Variants in KCNAB2 observed in about 807,000 individuals in gnomAD.
KCNAB2 encodes potassium voltage-gated channel subfamily A regulatory beta subunit 2.
A neutral mutation model predicts 63.6 loss-of-function variants in KCNAB2; 29 were observed. The ratio of observed to expected loss-of-function variants is 0.46; its 90% confidence interval spans 0.34 to 0.62. The LOEUF is 0.62. KCNAB2 is among the 20% of genes least tolerant of loss of function. The probability of loss-of-function intolerance (pLI) is 0.01; values close to 1 mark genes in which losing one functional copy is unlikely to be tolerated. For missense variants in KCNAB2, 359 were observed against 563.9 expected (o/e 0.64, Z 3.68); for synonymous variants, 222 against 224.2 (o/e 0.99, Z 0.09).
At chr1:6,033,280 TGTGTGGGCATGTGG>T (rs1659772084), upstream of KCNAB2, among the ~76,000 whole-genome samples, 1 of 131,320 alleles carries the variant, frequency 7.6e-6, no homozygotes, top group Non-Finnish European at 1.7e-5. Flanking sequence ...TGCATGTGCG[TGTGTGGGCATGTGG>T]GTGTGCATAT....
Position 6,096,175 on chromosome 1 carries a change from G to A in KCNAB2, c.949-461G>A, listed in dbSNP as rs1333352479. On this transcript the variant is annotated intron_variant, in intron 13 of 15. Transcript: ENST00000378083. This position sits in a 1 kb window ranked among gnomAD's most constrained non-coding sequence, Gnocchi z 5.9. ...CCTGGGTTCCAGGGCAACGTGGCCT[G>A]GCCCCCGACTCCTCCCATCCCATGG... is the stretch of plus-strand genomic sequence containing the variant. The A allele has an allele frequency of 4.4e-6, 2 of 457,670 alleles. No homozygotes were observed. Among genetic ancestry groups the A allele is most frequent in the South Asian group, 3.1e-5 (2 of 64,546 alleles). 28.4% of individuals were successfully genotyped at this position (457,670 alleles called of 1,614,324 possible). A position where few individuals can be genotyped will look rare whatever the true frequency, so the allele number is the denominator to read the frequency against.
At position 6,095,456 on chromosome 1, in the gene KCNAB2, G is replaced by A. The variant is rs572544225; in HGVS notation, c.853+13G>A. On this transcript the variant is annotated intron_variant, in intron 12 of 15. Coordinates refer to ENST00000378083, the MANE Select transcript of KCNAB2 (RefSeq NM_001199862.2). ...TTCCACAAGATAGGTGGGCACCCTC[G>A]GGCCCCTCGCCCCGCCCCACCCCAC... 2.8e-5 allele frequency: 45 copies of A among 1,612,746 alleles called. No individual in the cohort carries two copies. The highest frequency in any genetic ancestry group is 1.7e-4 in the Middle Eastern group (1 of 6,054).
chr1:6,084,820 AAAC>A (rs1242593637), intron 5 of KCNAB2, among the ~76,000 whole-genome samples: 3 of 152,110 alleles, frequency 2.0e-5, no homozygotes, highest in Non-Finnish European at 2.9e-5. Context: ...AAAAAAAAAA[AAAC>A]AAGATACTTC....
At position 6,077,556 on chromosome 1, in the gene KCNAB2, C is replaced by T. The variant is rs750350548; in HGVS notation, c.300+3786C>T. ...GACCCTGCTGATCCGGCTGTCTGCA[C>T]GCCTTCGGGGGTCTGTGATGACCAC... On this transcript the variant is annotated intron_variant, in intron 4 of 15. Coordinates refer to ENST00000378083, the MANE Select transcript of KCNAB2 (RefSeq NM_001199862.2). Among the ~76,000 whole-genome samples, 10 of 152,338 alleles carry T rather than the reference C, an allele frequency of 6.6e-5. 1 individual carries two copies. The highest frequency in any genetic ancestry group is 6.2e-4 in the South Asian group (3 of 4,820).
Position 6,096,302 on chromosome 1 carries a change from G to A in KCNAB2, c.949-334G>A. The A allele has an allele frequency of 2.5e-6, 1 of 402,178 alleles. No homozygotes were observed. Among genetic ancestry groups the A allele is most frequent in the South Asian group, 2.0e-5 (1 of 48,800 alleles). 24.9% of individuals were successfully genotyped at this position (402,178 alleles called of 1,614,324 possible). On this transcript the variant is annotated intron_variant, in intron 13 of 15. Transcript: ENST00000378083. The surrounding 1 kb of genome is among the most constrained non-coding windows in gnomAD (Gnocchi z 5.9). ...GCCAGGAGGTTCTTCTGGGCCACGG[G>A]TGGCAGCCGAGACCCCAGGCTGCCA...
chr1:6,098,317 G>C, intron 15 of KCNAB2, 168 bp from the exon 16 acceptor site: 1 of 1,429,166 alleles, frequency 7.0e-7, no homozygotes, highest in Non-Finnish European at 9.2e-7. Flanking sequence ...CAAACCTTCT[G>C]AAACACAAAA....
intron 6 of KCNAB2, 60 bp downstream of exon 6, chr1:6,085,308 G>A (rs985778605): frequency 1.2e-5 from 17 of 1,477,934 alleles, no homozygotes; most frequent in Non-Finnish European, 1.4e-5. Context: ...CTATCCCAGG[G>A]TCAGCCTCGT....
intron 1 of KCNAB2, among the ~76,000 whole-genome samples, chr1:5,999,050 C>G (rs1657091406): frequency 1.3e-5 from 2 of 152,362 alleles, no homozygotes; most frequent in Admixed American, 6.5e-5. Flanking sequence ...CCAGCAGCAC[C>G]CTCTTTCGTC....
In KCNAB2 at chr1:6,096,211, G is replaced by GC. The variant is rs1665623981; in HGVS notation, c.949-419dup. On this transcript the variant is annotated intron_variant, in intron 13 of 15. Transcript: ENST00000378083. This position sits in a 1 kb window ranked among gnomAD's most constrained non-coding sequence, Gnocchi z 5.9. ...CCTCCCATCCCATGGCAAGGTCAGG[G>GC]CCCCCCTCCAGGAGGCCCTGCAATC... 2.2e-6 allele frequency: 1 copy of GC among 455,122 alleles called. No individual in the cohort carries two copies. The highest frequency in any genetic ancestry group is 4.4e-6 in the Non-Finnish European group (1 of 227,398). The allele number at this position is 455,122 out of a possible 1,614,324, so 28.2% of individuals were successfully genotyped here.
chr1:6,020,667 T>A (rs1215750289), intron 1 of KCNAB2, among the ~76,000 whole-genome samples: 1 of 152,202 alleles, frequency 6.6e-6, no homozygotes, highest in Non-Finnish European at 1.5e-5. Context: ...TTTCTATTTT[T>A]ATTATTTATT....
upstream of KCNAB2, chr1:6,041,879 A>T: frequency 1.2e-6 from 2 of 1,613,496 alleles, no homozygotes; most frequent in Non-Finnish European, 1.7e-6. Flanking sequence ...ACAGGTAATG[A>T]GTCTTCATTC....
intron 1 of KCNAB2, among the ~76,000 whole-genome samples, chr1:6,008,746 G>A (rs746111328): frequency 1.3e-4 from 20 of 152,154 alleles, no homozygotes; most frequent in Non-Finnish European, 2.8e-4. Flanking sequence ...AGGGAGTGAG[G>A]CCCCCGAACC....
At chr1:6,029,912 G>A (rs1266986311), upstream of KCNAB2, among the ~76,000 whole-genome samples, 1 of 152,220 alleles carries the variant, frequency 6.6e-6, no homozygotes, top group African/African-American at 2.4e-5. Context: ...CAAGATTTCA[G>A]CTTAGAGAGA....
chr1:6,040,778 G>A (rs1003563071), intron 2 of KCNAB2: 35 of 610,362 alleles, frequency 5.7e-5, no homozygotes, highest in Admixed American at 9.0e-5. Flanking sequence ...TGCCTTCCAC[G>A]GGGTTTTGAG....
chr1:6,004,118 G>A (rs1657417699), intron 1 of KCNAB2, among the ~76,000 whole-genome samples: 2 of 152,196 alleles, frequency 1.3e-5, no homozygotes. Flanking sequence ...CGAGGTTGGA[G>A]CAGAAGCAGG....
At position 6,099,856 on chromosome 1, in the gene KCNAB2, G is replaced by A; in HGVS notation, c.*1282G>A. 3 of 1,548,278 alleles carry A rather than the reference G, an allele frequency of 1.9e-6. No individual in the cohort carries two copies. The highest frequency in any genetic ancestry group is 2.6e-6 in the Non-Finnish European group (3 of 1,145,834). ...GAGAGAGGGCAGGACAGGCCAGAGT[G>A]ACGCCCCCGTGCAGCTTGGGCCGGA... is the stretch of plus-strand genomic sequence containing the variant. On this transcript the variant is annotated 3_prime_UTR_variant, in exon 16 of 16. Coordinates refer to ENST00000378083, the MANE Select transcript of KCNAB2 (RefSeq NM_001199862.2).
intron 10 of KCNAB2, among the ~76,000 whole-genome samples, chr1:6,094,048 G>A (rs1049436279): frequency 3.3e-5 from 5 of 152,166 alleles, no homozygotes; most frequent in African/African-American, 1.2e-4. Flanking sequence ...CCCCAGACCA[G>A]AGAACCTCCA....
Position 6,073,275 on chromosome 1 carries a change from C to T in KCNAB2, c.263-458C>T, listed in dbSNP as rs1347568627. Among the ~76,000 whole-genome samples the T allele has an allele frequency of 6.6e-6, 1 of 152,034 alleles. No individual in the cohort carries two copies. The highest frequency in any genetic ancestry group is 2.4e-5 in the African/African-American group (1 of 41,378). ...TGCAGTACACACACCCCCACACACA[C>T]ACCGCCCACTGCAGTACACACACCC... is the stretch of plus-strand genomic sequence containing the variant. On this transcript the variant is annotated intron_variant, in intron 3 of 15. Transcript: ENST00000378083. The surrounding 1 kb of genome is among the most constrained non-coding windows in gnomAD (Gnocchi z 5.7).
In KCNAB2 at chr1:6,082,161, G is replaced by A. The variant is rs199564465; in HGVS notation, c.301-34G>A. 651 of 1,596,372 alleles carry A rather than the reference G, an allele frequency of 4.1e-4. 3 individuals carry two copies. The African/African-American group carries it at 7.6e-3, about 19-fold the overall frequency. ...TCCAGAGCCTCTGGGCCCCACCCCC[G>A]GCTGGCAGGACAGTGTCGGTTTTCT... On this transcript the variant is annotated intron_variant, in intron 4 of 15. Coordinates refer to ENST00000378083, the MANE Select transcript of KCNAB2 (RefSeq NM_001199862.2).
Sources: allele counts gnomAD v4.1 joint callset (sites outside exome capture counted in the v4.1 genomes callset), GRCh38; gene constraint gnomAD v4.1.1; non-coding constraint Gnocchi (gnomAD v3.1); transcripts MANE v1.5; gene names NCBI Gene and HGNC (gene_info 2026-07-23, HGNC 2026-07-21).